WIPI2: variants seen among roughly 807,000 people sequenced by gnomAD.
WIPI2 encodes WD repeat domain phosphoinositide-interacting protein 2.
In WIPI2, 28 loss-of-function variants were observed where a neutral mutation model predicts 52.3. The observed-to-expected ratio is 0.54, with a 90% CI of 0.40 to 0.73. The LOEUF (loss-of-function observed/expected upper bound fraction) is 0.73, where lower values mean the gene tolerates loss of function less well. WIPI2 is among the 30% of genes least tolerant of loss of function. The probability of loss-of-function intolerance (pLI) is 0.00; values close to 1 mark genes in which losing one functional copy is unlikely to be tolerated. For missense variants in WIPI2, 506 were observed against 602.9 expected, an observed-to-expected ratio of 0.84 and a Z score of 1.68; for synonymous variants, 268 against 245.0, an observed-to-expected ratio of 1.09 and a Z score of -0.88.
At chr7:5,198,386 T>C (rs1781855780) in intron 2 of WIPI2, among the ~76,000 whole-genome samples, 1 of 151,980 alleles carries the variant, frequency 6.6e-6, no homozygotes, top group African/African-American at 2.4e-5. Flanking sequence ...CAATCTCCGC[T>C]CACTGCAGCC....
At chr7:5,225,135 G>C (rs1311800464) in intron 8 of WIPI2, among the ~76,000 whole-genome samples, 1 of 151,424 alleles carries the variant, frequency 6.6e-6, no homozygotes, top group Non-Finnish European at 1.5e-5. Context: ...GTTTTGCTCT[G>C]TCTTTTTTTT....
At chr7:5,214,894 C>A (rs1349902810) in intron 4 of WIPI2, among the ~76,000 whole-genome samples, 190 bp downstream of exon 4, 2 of 152,234 alleles carry the variant, frequency 1.3e-5, no homozygotes, top group Admixed American at 6.5e-5. Flanking sequence ...CCATTCCATT[C>A]ACGACAAATG....
chr7:5,222,827 TGTCATG>T lies in WIPI2; in HGVS notation c.740+157_740+162del, dbSNP rs1783210455. 1.1e-4 allele frequency: 80 copies of T among 709,030 alleles called. 1 individual carries two copies. The South Asian group carries it at 1.4e-3, about 12-fold the overall frequency. 43.9% of individuals were successfully genotyped at this position (709,030 alleles called of 1,614,324 possible). On this transcript the variant is annotated intron_variant, in intron 8 of 12. Transcript: ENST00000288828. ...CCGGGTAAGATCTGGGCGTCGGTCT[TGTCATG>T]GGAATTGAAGAGCACTTTCAGAAAA...
At chr7:5,195,621 C>G (rs917401925) in intron 2 of WIPI2, among the ~76,000 whole-genome samples, 4 of 152,206 alleles carry the variant, frequency 2.6e-5, no homozygotes, top group African/African-American at 7.2e-5. Context: ...ATTAGTATGT[C>G]TGCCATTTTA....
intron 3 of WIPI2, among the ~76,000 whole-genome samples, chr7:5,204,939 G>A (rs769299511): frequency 6.6e-6 from 1 of 152,132 alleles, no homozygotes; most frequent in African/African-American, 2.4e-5. Flanking sequence ...GCCTCCTAAA[G>A]TGCTGGGCCT....
Position 5,230,992 on chromosome 7 carries a change from T to C in WIPI2, c.*45T>C. 1 of 1,547,022 alleles carries C rather than the reference T, an allele frequency of 6.5e-7. No homozygotes were observed. The highest frequency in any genetic ancestry group is 8.8e-7 in the Non-Finnish European group (1 of 1,132,720). ...ACCCGGGGAGCAGAGAACACTGGCT[T>C]CACAGAGGACTTTGTGCATTGCTGC... On this transcript the variant is annotated 3_prime_UTR_variant, in exon 13 of 13. Transcript: ENST00000288828. This position sits in a 1 kb window ranked among gnomAD's most constrained non-coding sequence, Gnocchi z 4.8.
intron 2 of WIPI2, among the ~76,000 whole-genome samples, chr7:5,194,184 A>C (rs745722830): frequency 7.9e-5 from 12 of 151,754 alleles, no homozygotes; most frequent in Non-Finnish European, 1.3e-4. Context: ...TGGAAAGGCC[A>C]CAGGGATATG....
chr7:5,218,464 C>T (rs1782933646), intron 7 of WIPI2: 1 of 160,814 alleles, frequency 6.2e-6, no homozygotes, highest in Admixed American at 6.0e-5. Context: ...TATAATTTAT[C>T]CTTTTTCACT....
chr7:5,221,888 G>A (rs866691658), intron 7 of WIPI2, among the ~76,000 whole-genome samples: 4 of 152,128 alleles, frequency 2.6e-5, no homozygotes, highest in African/African-American at 7.2e-5. Flanking sequence ...GACCTTGGTG[G>A]GGTCCGAAGC....
At position 5,227,124 on chromosome 7, in the gene WIPI2, T is replaced by C; in HGVS notation, c.849-56T>C. 1 of 1,601,620 alleles carries C rather than the reference T, an allele frequency of 6.2e-7. No homozygotes were observed. Among genetic ancestry groups the C allele is most frequent in the Non-Finnish European group, 8.5e-7 (1 of 1,173,498 alleles). On this transcript the variant is annotated intron_variant, in intron 9 of 12. Transcript: ENST00000288828. This position sits in a 1 kb window ranked among gnomAD's most constrained non-coding sequence, Gnocchi z 8.1. ...GCTGTGCGTCTGTGTGAGTAGGGGGTGGCCGTCCCCCCAGGGAGGGTGCAG... is the reference window on the plus strand; with the variant it reads ...GCTGTGCGTCTGTGTGAGTAGGGGGCGGCCGTCCCCCCAGGGAGGGTGCAG...
At position 5,199,623 on chromosome 7, in the gene WIPI2, C is replaced by T. The variant is rs1562386479; in HGVS notation, c.176C>T (p.Ser59Phe). ...SKSGYKFFSL[S>F]SVDKLEQIYE... Reference sequence around the variant, plus strand: ...TCCGGTTATAAATTTTTCTCCCTTTCTTCTGTGGATAAGCTGGAACAGATC... The same window carrying T: ...TCCGGTTATAAATTTTTCTCCCTTTTTTCTGTGGATAAGCTGGAACAGATC... The change falls in exon 3 of 13, where the codon TCT becomes TTT. Residue 59 changes from serine (S) to phenylalanine (F), a missense_variant. Ser to Phe is a radical substitution (Grantham distance 155). Around this residue, in one of 4 missense-constraint regions of WIPI2, gnomAD observed 60 missense variants for 49.7 expected, o/e 1.21. Transcript: ENST00000288828. 5 of 1,612,580 alleles carry T rather than the reference C, an allele frequency of 3.1e-6. No individual in the cohort carries two copies. Among genetic ancestry groups the T allele is most frequent in the Non-Finnish European group, 3.4e-6 (4 of 1,179,782 alleles).
intron 3 of WIPI2, among the ~76,000 whole-genome samples, chr7:5,209,571 G>A (rs911068037): frequency 6.6e-6 from 1 of 152,134 alleles, no homozygotes. Context: ...CAGTTGAATT[G>A]GAATTTATCA....
chr7:5,210,348 G>C lies in WIPI2; in HGVS notation c.212-4187G>C, dbSNP rs376482080. ...AAGCTCCTCGTTCCCAGACTCAGGG[G>C]ACGTGTCTCATTTCCTCTTCCCTCC... On this transcript the variant is annotated intron_variant, in intron 3 of 12. Transcript: ENST00000288828. 3.9e-5 allele frequency among the ~76,000 whole-genome samples: 6 copies of C among 152,330 alleles called. 1 individual carries two copies. The highest frequency in any genetic ancestry group is 9.6e-5 in the African/African-American group (4 of 41,582).
rs1781421969 is a variant in WIPI2, at chr7:5,190,510, G to GGGTCGGA, written c.74+19_74+25dup. On this transcript the variant is annotated intron_variant, in intron 1 of 12. Coordinates refer to ENST00000288828, the MANE Select transcript of WIPI2 (RefSeq NM_015610.4). ...GGACAACACGTAAGGCCGGGGTCGG[G>GGGTCGGA]GGTCGGAGTCGGGGTGAGGCCAGGG... 1 of 1,493,086 alleles carries GGGTCGGA rather than the reference G, an allele frequency of 6.7e-7. No homozygotes were observed. 92.5% of individuals were successfully genotyped at this position (1,493,086 alleles called of 1,614,324 possible). A position where few individuals can be genotyped will look rare whatever the true frequency, so the allele number is the denominator to read the frequency against.
At chr7:5,199,517 T>C in intron 2 of WIPI2, 59 bp from the exon 3 acceptor site, 4 of 1,500,904 alleles carry the variant, frequency 2.7e-6, no homozygotes, top group Non-Finnish European at 3.7e-6. Flanking sequence ...GGAGCTGGTT[T>C]CTACATTGTC....
In WIPI2 at chr7:5,223,491, T is replaced by G. The variant is rs544039765; in HGVS notation, c.740+819T>G. Among the ~76,000 whole-genome samples the G allele has an allele frequency of 2.2e-3, 340 of 152,294 alleles. 2 individuals are homozygous for G. Among genetic ancestry groups the G allele is most frequent in the African/African-American group, 7.9e-3 (329 of 41,572 alleles). The stretch of plus-strand genomic sequence containing the variant: ...CAAACGTCACCGCTCCTCCAGCTCC[T>G]GCCTCCTCGTGTCCCTTGGTCTTCT... On this transcript the variant is annotated intron_variant, in intron 8 of 12. Transcript: ENST00000288828.
At chr7:5,192,561 TC>T (rs1781534282) in intron 1 of WIPI2, among the ~76,000 whole-genome samples, 1 of 152,168 alleles carries the variant, frequency 6.6e-6, no homozygotes, top group African/African-American at 2.4e-5. Context: ...TTCTCCATGC[TC>T]CCCGAAGTTA....
chr7:5,210,418 C>T (rs190361898), intron 3 of WIPI2, among the ~76,000 whole-genome samples: 2 of 152,326 alleles, frequency 1.3e-5, no homozygotes, highest in East Asian at 1.9e-4. Context: ...TCTTCAGATG[C>T]CCTCTTCTGT....
At chr7:5,212,839 C>T (rs572889067) in intron 3 of WIPI2, among the ~76,000 whole-genome samples, 141 of 152,354 alleles carry the variant, frequency 9.3e-4, no homozygotes, top group African/African-American at 2.7e-3. Context: ...TCTCGCCCAC[C>T]GCCTAGCAAG....
Sources: allele counts gnomAD v4.1 joint callset (sites outside exome capture counted in the v4.1 genomes callset), GRCh38; gene constraint gnomAD v4.1.1; regional missense constraint gnomAD v4.1.1; non-coding constraint Gnocchi (gnomAD v3.1); transcripts MANE v1.5; gene names NCBI Gene and HGNC (gene_info 2026-07-23, HGNC 2026-07-21).